The following CD109 variants were observed in gnomAD, a reference collection of about 807,000 sequenced individuals.
CD109 encodes the protein CD109 molecule.
A neutral mutation model predicts 165.8 loss-of-function variants in CD109; 149 were observed. The observed-to-expected ratio is 0.90, with a 90% CI of 0.79 to 1.03. CD109 has a LOEUF of 1.03. Among genes scored for constraint, CD109 ranks in the 50% least tolerant of loss-of-function variants. The pLI, the probability that CD109 is intolerant of heterozygous loss-of-function variation, is 0.00. For synonymous variants in CD109, 585 were observed against 592.1 expected, an observed-to-expected ratio of 0.99 and a Z score of 0.18; for missense variants, 1,712 against 1,677.8, an observed-to-expected ratio of 1.02 and a Z score of -0.36.
chr6:73,753,685 A>G (rs920247849), intron 5 of CD109, among the ~76,000 whole-genome samples: 4 of 152,202 alleles, frequency 2.6e-5, no homozygotes, highest in East Asian at 1.9e-4. Flanking sequence ...TCATTTTTCT[A>G]TGATGGCTGG....
rs1331432402 is a variant in CD109, at chr6:73,803,296, C to T, written c.2955C>T (p.Ser985=). 1 of 1,610,760 alleles carries T rather than the reference C, an allele frequency of 6.2e-7. No individual in the cohort carries two copies. The highest frequency in any genetic ancestry group is 1.3e-5 in the African/African-American group (1 of 74,642). Residue 985 remains serine (S), a synonymous_variant, in exon 24 of 33, where the codon AGC becomes AGT. Coordinates refer to ENST00000287097, the MANE Select transcript of CD109 (RefSeq NM_133493.5). ...SAFGNYDPSG[S]TWLSAFVLRC... is the part of the protein sequence containing the mutation. ...TTGGGAATTATGACCCTTCTGGGAG[C>T]ACTTGGTAAGTGTTTTTGCCAACTG...
rs1042271249 is a variant in CD109, at chr6:73,780,910, ATGTGTG to A, written c.1903-341_1903-336del. Among the ~76,000 whole-genome samples the A allele has an allele frequency of 1.6e-5, 2 of 123,618 alleles. 1 individual carries two copies. Among genetic ancestry groups the A allele is most frequent in the Non-Finnish European group, 3.5e-5 (2 of 57,712 alleles). 81.1% of individuals were successfully genotyped at this position (123,618 alleles called of 152,430 possible). A position where few individuals can be genotyped will look rare whatever the true frequency, so the allele number is the denominator to read the frequency against. On this transcript the variant is annotated intron_variant, in intron 16 of 32. Coordinates refer to ENST00000287097, the MANE Select transcript of CD109 (RefSeq NM_133493.5). ...CTCTTATGCATGAGTGTGTGTGTGT[ATGTGTG>A]TGTGTGTAAGACTGATGTGTGTATG... is the stretch of plus-strand genomic sequence containing the variant.
rs1333335070 is a variant in CD109, at chr6:73,759,002, G to A, written c.732G>A (p.Lys244=). The A allele has an allele frequency of 1.2e-6, 2 of 1,604,982 alleles. No homozygotes were observed. Among genetic ancestry groups the A allele is most frequent in the Non-Finnish European group, 1.7e-6 (2 of 1,172,524 alleles). ...QTPLYCSMNS[K]HLNGTITAKY... is the part of the protein sequence containing the mutation. The stretch of plus-strand genomic sequence containing the variant: ...CATTATATTGTTCTATGAATTCTAA[G>A]CATTTAAATGGTACCATCACGGCAA... The change falls in exon 7 of 33, where the codon AAG becomes AAA. Residue 244 remains lysine, a synonymous_variant. Coordinates refer to ENST00000287097, the MANE Select transcript of CD109 (RefSeq NM_133493.5).
intron 4 of CD109, among the ~76,000 whole-genome samples, chr6:73,732,514 A>G (rs76245933): frequency 0.06 from 9,121 of 152,212 alleles, 323 homozygotes; most frequent in African/African-American, 0.099. Flanking sequence ...AGTTGAACTG[A>G]CTCCATTCAT....
chr6:73,779,958 T>C (rs1774415154), intron 15 of CD109, among the ~76,000 whole-genome samples: 3 of 152,158 alleles, frequency 2.0e-5, no homozygotes, highest in Admixed American at 1.3e-4. Flanking sequence ...TCAGTGAGGC[T>C]GAATATTTTT....
rs372874447 is a variant in CD109 at position 73,785,373 on chromosome 6, T to C, written c.2233T>C (p.Phe745Leu). 6 of 1,596,136 alleles carry C rather than the reference T, an allele frequency of 3.8e-6. No individual in the cohort carries two copies. The highest frequency in any genetic ancestry group is 5.1e-6 in the Non-Finnish European group (6 of 1,166,898). The stretch of plus-strand genomic sequence containing the variant: ...GTTGTGTTCTTTCCAGCTCCAAGCC[T>C]TCCAACCATTTTTCATTTTTTTGAA... The part of the protein sequence containing the change: ...LTTTPVELQA[F>L]QPFFIFLNLP... The change falls in exon 20 of 33, where the codon TTC becomes CTC. Residue 745 changes from phenylalanine (F) to leucine (L), a missense_variant. Physicochemically the swap from Phe to Leu is conservative, Grantham distance 22. Coordinates refer to ENST00000287097, the MANE Select transcript of CD109 (RefSeq NM_133493.5).
chr6:73,801,614 A>G (rs1474088907), intron 23 of CD109, among the ~76,000 whole-genome samples: 1 of 152,224 alleles, frequency 6.6e-6, no homozygotes, highest in African/African-American at 2.4e-5. Flanking sequence ...TCTTTTGGAA[A>G]GACTCAGGGA....
At chr6:73,794,693 G>A (rs1360133248) in intron 23 of CD109, among the ~76,000 whole-genome samples, 2 of 152,150 alleles carry the variant, frequency 1.3e-5, no homozygotes, top group Non-Finnish European at 2.9e-5. Flanking sequence ...TGTGGCCTGA[G>A]TTCTGATGTG....
intron 14 of CD109, among the ~76,000 whole-genome samples, chr6:73,768,890 T>C (rs1773942411): frequency 6.6e-6 from 1 of 152,238 alleles, no homozygotes; most frequent in Non-Finnish European, 1.5e-5. Flanking sequence ...CTCCATCCTC[T>C]TATGTAAAAA....
intron 5 of CD109, among the ~76,000 whole-genome samples, chr6:73,747,880 T>C (rs1390065617): frequency 6.6e-6 from 1 of 151,700 alleles, no homozygotes. Flanking sequence ...TATTTCTTTC[T>C]TTCTTTTTTT....
chr6:73,791,179 A>ATG, intron 22 of CD109, among the ~76,000 whole-genome samples: 1 of 17,912 alleles, frequency 5.6e-5, no homozygotes. Context: ...ATATATATAC[A>ATG]CACACACACA....
At chr6:73,692,048 G>T (rs1299615432), upstream of CD109, among the ~76,000 whole-genome samples, 1 of 151,884 alleles carries the variant, frequency 6.6e-6, no homozygotes, top group Non-Finnish European at 1.5e-5. Context: ...AGAGGTGGGG[G>T]GAGGTGCCAC....
intron 3 of CD109, among the ~76,000 whole-genome samples, chr6:73,726,916 C>T (rs757866166): frequency 1.2e-4 from 18 of 152,158 alleles, no homozygotes; most frequent in Non-Finnish European, 2.2e-4. Flanking sequence ...TCAAGGAGTC[C>T]AAAATCTCTG....
rs566471660 is a variant in CD109 at position 73,826,627 on chromosome 6, A to G, written c.*2994A>G. 6.6e-6 allele frequency: 1 copy of G among 152,290 alleles called. No individual in the cohort carries two copies. The highest frequency in any genetic ancestry group is 1.9e-4 in the East Asian group (1 of 5,194). The allele number at this position is 152,290 out of a possible 1,614,324, so 9.4% of individuals were successfully genotyped here. A position where few individuals can be genotyped will look rare whatever the true frequency, so the allele number is the denominator to read the frequency against. On this transcript the variant is annotated 3_prime_UTR_variant, in exon 33 of 33. Coordinates refer to ENST00000287097, the MANE Select transcript of CD109 (RefSeq NM_133493.5). ...ATGCTTCCTTTTATTGTGTTGTGCT[A>G]TTGTACTTTGTTTTTCAAAACATTG...
At chr6:73,733,835 A>G (rs34714931) in intron 4 of CD109, among the ~76,000 whole-genome samples, 12,704 of 152,286 alleles carry the variant, frequency 0.083, 676 homozygotes, top group South Asian at 0.14. Flanking sequence ...TTATTCACAC[A>G]TAATCCAGAA....
chr6:73,823,743 T>A lies in CD109; in HGVS notation c.*110T>A. The A allele has an allele frequency of 9.7e-7, 1 of 1,028,820 alleles. No homozygotes were observed. Among genetic ancestry groups the A allele is most frequent in the Non-Finnish European group, 1.4e-6 (1 of 707,912 alleles). 63.7% of individuals were successfully genotyped at this position (1,028,820 alleles called of 1,614,324 possible). ...TATTTTGAAAAAAGAGTTTTTTTTC[T>A]TTCTATGGGGTTGCAGGGATGGTGT... is the stretch of plus-strand genomic sequence containing the variant. On this transcript the variant is annotated 3_prime_UTR_variant, in exon 33 of 33. Coordinates refer to ENST00000287097, the MANE Select transcript of CD109 (RefSeq NM_133493.5).
chr6:73,818,378 T>C lies in CD109; in HGVS notation c.3912-10T>C. On this transcript the variant is annotated splice_polypyrimidine_tract_variant and intron_variant, in intron 30 of 32. Coordinates refer to ENST00000287097, the MANE Select transcript of CD109 (RefSeq NM_133493.5). ...GAGGAGTTTTCATTCATCCTCCCTCTTTGATTTAGCTTTTCGGGCCCGGGT... is the reference window on the plus strand; with the variant it reads ...GAGGAGTTTTCATTCATCCTCCCTCCTTGATTTAGCTTTTCGGGCCCGGGT... 6.2e-7 allele frequency: 1 copy of C among 1,613,754 alleles called. No homozygotes were observed.
At chr6:73,810,197 C>G in intron 27 of CD109, 23 bp downstream of exon 27, 1 of 1,261,614 alleles carries the variant, frequency 7.9e-7, no homozygotes, top group Non-Finnish European at 1.1e-6. Context: ...AGTTTTTTCC[C>G]TTTAAACTAT....
chr6:73,766,545 A>G (rs911739416), intron 11 of CD109, among the ~76,000 whole-genome samples: 5 of 151,112 alleles, frequency 3.3e-5, no homozygotes, highest in South Asian at 2.1e-4. Context: ...GTATATATAT[A>G]TATATATATT....
Sources: gnomAD v4.1 joint callset for allele counts (sites outside exome capture counted in the v4.1 genomes callset) on GRCh38, gnomAD v4.1.1 for gene constraint, MANE v1.5 for transcripts, NCBI Gene and HGNC (gene_info 2026-07-23, HGNC 2026-07-21) for gene names.